ZNF665: variants seen among roughly 807,000 people sequenced by gnomAD.
The protein encoded by ZNF665 is zinc finger protein 665.
ZNF665 carries 6 observed loss-of-function variants against 7.9 expected under a neutral mutation model. That is an observed-to-expected ratio of 0.76 (90% CI 0.42 to 1.50). The LOEUF is 1.50. Among genes scored for constraint, ZNF665 ranks in the 40% most tolerant of loss-of-function variants. The pLI is 0.01. For synonymous variants in ZNF665, 242 were observed against 274.5 expected, an observed-to-expected ratio of 0.88 and a Z score of 1.17; for missense variants, 819 against 806.7, an observed-to-expected ratio of 1.02 and a Z score of -0.18.
At chr19:53,180,084 T>C (rs186449393) in intron 2 of ZNF665, 1 of 152,332 alleles carries the variant, frequency 6.6e-6, no homozygotes, top group Non-Finnish European at 1.5e-5. Context: ...AAGGTCATTA[T>C]ATACACAAAC....
rs1210426902 is a variant in ZNF665, at chr19:53,165,254, A to G, written c.1236T>C (p.Thr412=). 2 of 1,613,788 alleles carry G rather than the reference A, an allele frequency of 1.2e-6. No homozygotes were observed. Among genetic ancestry groups the G allele is most frequent in the Non-Finnish European group, 1.7e-6 (2 of 1,179,990 alleles). The change falls in exon 4 of 4, where the codon ACT becomes ACC. Residue 412 remains threonine, a synonymous_variant. Transcript: ENST00000396424. ...FKCNECVKVF[T]QYSHLANHRR... ...GATGATTTGCTAAGTGTGAATACTG[A>G]GTGAAAACCTTGACGCATTCATTAC...
chr19:53,183,344 C>T (rs2090752650), intron 1 of ZNF665, among the ~76,000 whole-genome samples: 1 of 152,132 alleles, frequency 6.6e-6, no homozygotes, highest in South Asian at 2.1e-4. Flanking sequence ...TCAGCAGTGC[C>T]CTGGTGCTCA....
rs2090575579 is a variant in ZNF665 at position 53,163,006 on chromosome 19, C to G, written c.*1447G>C. 6.6e-6 allele frequency: 1 copy of G among 152,194 alleles called. No homozygotes were observed. Among genetic ancestry groups the G allele is most frequent in the Non-Finnish European group, 1.5e-5 (1 of 68,092 alleles). The allele number at this position is 152,194 out of a possible 1,614,324, so 9.4% of individuals were successfully genotyped here. Reference sequence around the variant, plus strand: ...TAAAAATCCGAGTGTCTTCCTGGCTCTATTTCATGGTCTACTGGTAGAGAA... The same window carrying G: ...TAAAAATCCGAGTGTCTTCCTGGCTGTATTTCATGGTCTACTGGTAGAGAA... On this transcript the variant is annotated 3_prime_UTR_variant, in exon 4 of 4. Coordinates refer to ENST00000396424, the MANE Select transcript of ZNF665 (RefSeq NM_024733.5).
intron 2 of ZNF665, 123 bp from the exon 3 acceptor site, chr19:53,175,694 G>C: frequency 8.9e-7 from 1 of 1,122,654 alleles, no homozygotes; most frequent in Non-Finnish European, 1.3e-6. Flanking sequence ...ACACATCCAG[G>C]CTGTGATCAC....
At chr19:53,189,279 G>A (rs530394591) in intron 1 of ZNF665, among the ~76,000 whole-genome samples, 12 of 152,040 alleles carry the variant, frequency 7.9e-5, no homozygotes, top group African/African-American at 1.2e-4. Context: ...TAGAAATAAC[G>A]ACACAAGACA....
At chr19:53,175,602 C>T in intron 2 of ZNF665, 31 bp from the exon 3 acceptor site, 1 of 1,573,336 alleles carries the variant, frequency 6.4e-7, no homozygotes, top group East Asian at 2.3e-5. Flanking sequence ...CACCAAGTGA[C>T]TATGAGGAAA....
Position 53,182,937 on chromosome 19 carries a change from G to A in ZNF665, c.-39C>T. ...GCCTTCCTCTTCCTCTTCTTCCAGGGTTCTACCTTGGGTAACATGAAAGAG... is the reference window on the plus strand; with the variant it reads ...GCCTTCCTCTTCCTCTTCTTCCAGGATTCTACCTTGGGTAACATGAAAGAG... On this transcript the variant is annotated 5_prime_UTR_variant, in exon 2 of 4. Transcript: ENST00000396424. 2 of 1,606,044 alleles carry A rather than the reference G, an allele frequency of 1.2e-6. No homozygotes were observed. The highest frequency in any genetic ancestry group is 1.7e-5 in the Admixed American group (1 of 59,924).
At chr19:53,170,618 CT>C (rs2090650298) in intron 3 of ZNF665, among the ~76,000 whole-genome samples, 1 of 152,178 alleles carries the variant, frequency 6.6e-6, no homozygotes, top group Admixed American at 6.5e-5. Context: ...ACAGAACTTC[CT>C]TCTTTTAAAG....
In ZNF665 at chr19:53,165,944, T is replaced by G. The variant is rs1212651260; in HGVS notation, c.546A>C (p.Glu182Asp). The G allele has an allele frequency of 6.2e-7, 1 of 1,614,082 alleles. No individual in the cohort carries two copies. Among genetic ancestry groups the G allele is most frequent in the South Asian group, 1.1e-5 (1 of 91,068 alleles). The change falls in exon 4 of 4, where the codon GAA (glutamate) becomes GAC (aspartate). Residue 182 changes from glutamate (E) to aspartate (D), a missense_variant. Physicochemically the swap from Glu to Asp is conservative, Grantham distance 45. Transcript: ENST00000396424. ...AGTTTTGACTGAAGACCTTGCCACA[T>G]TCATCACATTTATAATGTTTTCCTC... ...NNRGKHYKCD[E>D]CGKVFSQNSR...
At chr19:53,172,919 C>T (rs2090669584) in intron 3 of ZNF665, among the ~76,000 whole-genome samples, 3 of 151,148 alleles carry the variant, frequency 2.0e-5, no homozygotes, top group South Asian at 4.2e-4. Context: ...TGAGTAGTTT[C>T]GATTTCTCAC....
rs776845997 is a variant in ZNF665 at position 53,165,012 on chromosome 19, T to C, written c.1478A>G (p.Lys493Arg). Residue 493 changes from lysine to arginine, a missense_variant, in exon 4 of 4, where the codon AAA becomes AGA. Transcript: ENST00000396424. ...AAGTTGTGATGTTTGACTGAAGGCT[T>C]TACCACATTCATCACACTTGTAAGG... ...EKPYKCDECGKAFSQTSQLAR... is the reference protein window; with the variant it reads ...EKPYKCDECGRAFSQTSQLAR... 1 of 1,613,964 alleles carries C rather than the reference T, an allele frequency of 6.2e-7. No individual in the cohort carries two copies. Among genetic ancestry groups the C allele is most frequent in the Non-Finnish European group, 8.5e-7 (1 of 1,180,000 alleles).
At chr19:53,175,829 T>G (rs1227829010) in intron 2 of ZNF665, among the ~76,000 whole-genome samples, 3 of 152,132 alleles carry the variant, frequency 2.0e-5, no homozygotes, top group Non-Finnish European at 4.4e-5. Context: ...CTAGATAGCT[T>G]CAGGGTGTGG....
chr19:53,184,631 G>A (rs888870408), intron 1 of ZNF665, among the ~76,000 whole-genome samples: 1 of 152,154 alleles, frequency 6.6e-6, no homozygotes, highest in Admixed American at 6.5e-5. Context: ...GGGTTGTAGG[G>A]TCCGGCCCCA....
chr19:53,174,658 G>T (rs2090682862), intron 3 of ZNF665, among the ~76,000 whole-genome samples: 1 of 152,118 alleles, frequency 6.6e-6, no homozygotes, highest in Non-Finnish European at 1.5e-5. Flanking sequence ...AAGAAAGAAG[G>T]CCAGGCATGG....
chr19:53,178,585 A>T (rs2090714898), intron 2 of ZNF665, among the ~76,000 whole-genome samples: 1 of 152,210 alleles, frequency 6.6e-6, no homozygotes, highest in Admixed American at 6.5e-5. Flanking sequence ...TATTAAAAGT[A>T]AAAATAAATA....
chr19:53,182,192 ACAC>A (rs2090742823), intron 2 of ZNF665: 1 of 145,288 alleles, frequency 6.9e-6, no homozygotes, highest in African/African-American at 2.6e-5. Context: ...ACACGGTGAA[ACAC>A]CATCTCTATT....
chr19:53,180,142 T>A, intron 2 of ZNF665, among the ~76,000 whole-genome samples: 1 of 152,082 alleles, frequency 6.6e-6, no homozygotes, highest in East Asian at 1.9e-4. Flanking sequence ...TAATAGATAA[T>A]AGAGAACAGG....
chr19:53,180,551 T>A (rs575669605), intron 2 of ZNF665: 31 of 152,272 alleles, frequency 2.0e-4, no homozygotes, highest in African/African-American at 7.5e-4. Flanking sequence ...TATAAAACCA[T>A]GGGTGTATGC....
rs1242446469 is a variant in ZNF665, at chr19:53,174,091, G to C, written c.142+1354C>G. ...CAGTGTTTTCCATCTCTTGGAAGTA[G>C]GTCTTCCAAGCTCATGAAATGGGAT... On this transcript the variant is annotated intron_variant, in intron 3 of 3. Transcript: ENST00000396424. 2.0e-5 allele frequency among the ~76,000 whole-genome samples: 3 copies of C among 152,134 alleles called. No homozygotes were observed. The East Asian group carries it at 5.8e-4, about 29-fold the overall frequency.
Sources: allele counts gnomAD v4.1 joint callset (sites outside exome capture counted in the v4.1 genomes callset), GRCh38; gene constraint gnomAD v4.1.1; transcripts MANE v1.5; gene names NCBI Gene and HGNC (gene_info 2026-07-23, HGNC 2026-07-21).